Variants in TNRC18 observed in about 807,000 individuals in gnomAD.
The protein encoded by TNRC18 is trinucleotide repeat-containing gene 18 protein.
Under a neutral mutation model 226.7 loss-of-function variants are expected in TNRC18, and 69 were observed. The observed-to-expected ratio is 0.30, with a 90% confidence interval of 0.25 to 0.37. TNRC18 has a LOEUF of 0.37. Ranked by LOEUF, TNRC18 falls within the 10% of genes least tolerant of loss-of-function variation. TNRC18 has a pLI of 1.00. For synonymous variants in TNRC18, 2,449 were observed against 1,927.6 expected, an observed-to-expected ratio of 1.27 and a Z score of -7.09; for missense variants, 4,754 against 4,256.6, an observed-to-expected ratio of 1.12 and a Z score of -3.25.
In TNRC18 at chr7:5,377,355, T is replaced by C; in HGVS notation, c.2461+16A>G. 1 of 808,044 alleles carries C rather than the reference T, an allele frequency of 1.2e-6. No individual in the cohort carries two copies. The highest frequency in any genetic ancestry group is 1.9e-6 in the Non-Finnish European group (1 of 537,442). The allele number at this position is 808,044 out of a possible 1,614,324, so 50.1% of individuals were successfully genotyped here. On this transcript the variant is annotated intron_variant, in intron 7 of 29. Transcript: ENST00000430969. The surrounding 1 kb of genome is among the most constrained non-coding windows in gnomAD (Gnocchi z 5.8). ...CTCCCTCAGAGAAGGGGAGAGACCC[T>C]GTGCCCCACACTCACCGTAGGGGTG... is the stretch of plus-strand genomic sequence containing the variant.
At chr7:5,339,574 T>A (rs1790474298) in intron 18 of TNRC18, among the ~76,000 whole-genome samples, 1 of 149,160 alleles carries the variant, frequency 6.7e-6, no homozygotes, top group Non-Finnish European at 1.5e-5. Context: ...TGTGTGTGTG[T>A]GTGTTTTTCG....
chr7:5,370,654 C>A lies in TNRC18; in HGVS notation c.3940G>T (p.Val1314Leu), dbSNP rs761271338. The change falls in exon 11 of 30, where the codon GTG (valine) becomes TTG (leucine). Residue 1314 changes from valine to leucine, a missense_variant. By Grantham distance (32) the Val-to-Leu change is conservative. Transcript: ENST00000430969. The part of the protein sequence containing the change: ...QCPSLEPQEA[V>L]PVLGSTCFLE... Reference sequence around the variant, plus strand: ...AAGCAGGTGCTGCCGAGTACAGGCACGGCCTCTTGGGGCTCCAGGCTCGGG... The same window carrying A: ...AAGCAGGTGCTGCCGAGTACAGGCAAGGCCTCTTGGGGCTCCAGGCTCGGG... The A allele has an allele frequency of 7.4e-6, 12 of 1,612,884 alleles. No homozygotes were observed. The highest frequency in any genetic ancestry group is 1.7e-4 in the Middle Eastern group (1 of 6,058).
rs1786711196 is a variant in TNRC18, at chr7:5,307,889, G to C, written c.*217C>G. On this transcript the variant is annotated 3_prime_UTR_variant, in exon 30 of 30. Coordinates refer to ENST00000430969, the MANE Select transcript of TNRC18 (RefSeq NM_001080495.3). ...GGGGCCCCTGTCCTGGGGGCACTGA[G>C]GGGTTGGAAGGTGGGGCTGGAGGCA... 1.7e-6 allele frequency: 1 copy of C among 584,316 alleles called. No homozygotes were observed. The allele number at this position is 584,316 out of a possible 1,614,324, so 36.2% of individuals were successfully genotyped here.
chr7:5,395,575 G>A (rs540626821), intron 2 of TNRC18, among the ~76,000 whole-genome samples: 6 of 152,252 alleles, frequency 3.9e-5, no homozygotes, highest in Non-Finnish European at 8.8e-5. Flanking sequence ...TCAGAGAGAA[G>A]CATGCAGGCC....
In TNRC18 at chr7:5,388,157, G is replaced by A. The variant is rs1366173999; in HGVS notation, c.1667C>T (p.Ala556Val). 3 of 1,570,672 alleles carry A rather than the reference G, an allele frequency of 1.9e-6. No homozygotes were observed. The highest frequency in any genetic ancestry group is 2.4e-5 in the East Asian group (1 of 42,238). ...SSKKAYLDPG[A>V]VLPRSAATCG... ...GGTGGCCGCCGAGCGGGGCAGCACA[G>A]CCCCAGGGTCCAGGTAGGCCTTCTT... The change falls in exon 5 of 30, where the codon GCT (alanine) becomes GTT (valine). Residue 556 changes from alanine (A) to valine (V), a missense_variant. Physicochemically the swap from Ala to Val is moderately conservative, Grantham distance 64. Coordinates refer to ENST00000430969, the MANE Select transcript of TNRC18 (RefSeq NM_001080495.3).
In TNRC18 at chr7:5,403,792, TA is replaced by T. The variant is rs551657031; in HGVS notation, c.188-9198del. ...GCAACAGAGTGAGACCCTGTCTGTTTAAAAAAAAAAAAAAACTGCATCCCTT... is the reference window on the plus strand; with the variant it reads ...GCAACAGAGTGAGACCCTGTCTGTTTAAAAAAAAAAAAAACTGCATCCCTT... On this transcript the variant is annotated intron_variant, in intron 2 of 29. Transcript: ENST00000430969. Among the ~76,000 whole-genome samples the T allele has an allele frequency of 1.5e-3, 201 of 137,476 alleles. 1 individual carries two copies. The highest frequency in any genetic ancestry group is 9.1e-3 in the South Asian group (39 of 4,308). 90.2% of individuals were successfully genotyped at this position (137,476 alleles called of 152,430 possible).
chr7:5,356,694 G>C (rs1323754113), intron 16 of TNRC18, among the ~76,000 whole-genome samples: 1 of 152,158 alleles, frequency 6.6e-6, no homozygotes, highest in Non-Finnish European at 1.5e-5. Flanking sequence ...GCACCTGCCT[G>C]GCATCACACC....
intron 2 of TNRC18, among the ~76,000 whole-genome samples, chr7:5,406,337 CTGTAA>C (rs1371921952): frequency 2.6e-5 from 4 of 152,024 alleles, no homozygotes; most frequent in Admixed American, 6.6e-5. Context: ...GTGGCGGCAC[CTGTAA>C]TCTCAGCTAC....
At chr7:5,355,072 A>C (rs962114425) in intron 16 of TNRC18, among the ~76,000 whole-genome samples, 1 of 152,070 alleles carries the variant, frequency 6.6e-6, no homozygotes, top group Non-Finnish European at 1.5e-5. Flanking sequence ...TCCCAGAACA[A>C]ACACCACTGA....
Position 5,371,355 on chromosome 7 carries a change from G to A in TNRC18, c.3239C>T (p.Pro1080Leu). ...TGGCAGGGCTTGGAACGGGTACCTG[G>A]GCGGGATATCTGCCAAGGACACAGG... ...PFQALFSDIP[P>L]RYPFQALPPH... The change falls in exon 11 of 30, where the codon CCC (proline) becomes CTC (leucine). Residue 1080 changes from proline to leucine, a missense_variant. By Grantham distance (98) the Pro-to-Leu change is moderately conservative. Transcript: ENST00000430969. 6.6e-7 allele frequency: 1 copy of A among 1,509,094 alleles called. No homozygotes were observed. Among genetic ancestry groups the A allele is most frequent in the Admixed American group, 2.2e-5 (1 of 45,860 alleles). 93.5% of individuals were successfully genotyped at this position (1,509,094 alleles called of 1,614,324 possible). A position where few individuals can be genotyped will look rare whatever the true frequency, so the allele number is the denominator to read the frequency against.
intron 5 of TNRC18, among the ~76,000 whole-genome samples, chr7:5,379,379 G>C (rs893426500): frequency 2.6e-5 from 4 of 151,034 alleles, no homozygotes; most frequent in Middle Eastern, 6.8e-3. Flanking sequence ...CTGGGTGACA[G>C]AGCGAGACCC....
chr7:5,406,737 G>A (rs1170967091), intron 2 of TNRC18, among the ~76,000 whole-genome samples: 1 of 151,592 alleles, frequency 6.6e-6, no homozygotes, highest in African/African-American at 2.4e-5. Flanking sequence ...TGTAATTGAA[G>A]CTACTCAGGA....
At chr7:5,322,245 T>G (rs1443393859) in intron 21 of TNRC18, among the ~76,000 whole-genome samples, 3 of 151,536 alleles carry the variant, frequency 2.0e-5, no homozygotes, top group Non-Finnish European at 1.5e-5. Context: ...GCCACTGCAC[T>G]CCAGCCCGGG....
At chr7:5,329,682 CAAAAAAAA>C (rs10628315) in intron 19 of TNRC18, among the ~76,000 whole-genome samples, 2 of 45,754 alleles carry the variant, frequency 4.4e-5, no homozygotes, top group Non-Finnish European at 7.2e-5. Flanking sequence ...GACTCCGTCT[CAAAAAAAA>C]AAAAAAAAAA....
At chr7:5,356,166 AT>A (rs1396196131) in intron 16 of TNRC18, among the ~76,000 whole-genome samples, 5 of 132,212 alleles carry the variant, frequency 3.8e-5, no homozygotes, top group African/African-American at 1.6e-4. Context: ...TCCGTCTCAA[AT>A]TAAAAAAAAA....
intron 25 of TNRC18, among the ~76,000 whole-genome samples, chr7:5,315,442 T>A (rs1391968804): frequency 4.0e-4 from 46 of 114,226 alleles, no homozygotes; most frequent in Non-Finnish European, 5.2e-4. Flanking sequence ...TTTTTTTTTT[T>A]AAAACAGAGT....
intron 2 of TNRC18, among the ~76,000 whole-genome samples, chr7:5,401,902 G>A (rs966276215): frequency 2.0e-5 from 3 of 152,148 alleles, no homozygotes; most frequent in African/African-American, 4.8e-5. Flanking sequence ...TTGGCCGGGC[G>A]TGGTGGCTCA....
chr7:5,345,349 C>G (rs1213113369), intron 18 of TNRC18, among the ~76,000 whole-genome samples: 2 of 152,226 alleles, frequency 1.3e-5, no homozygotes, highest in African/African-American at 2.4e-5. Flanking sequence ...TCGCCCTTTG[C>G]AAGGCGAAGA....
At chr7:5,382,300 C>T (rs1038081509) in intron 5 of TNRC18, among the ~76,000 whole-genome samples, 2 of 152,212 alleles carry the variant, frequency 1.3e-5, no homozygotes, top group African/African-American at 2.4e-5. Flanking sequence ...ACGTCACTGC[C>T]GCCCCCTCTC....
Sources: allele counts gnomAD v4.1 joint callset (sites outside exome capture counted in the v4.1 genomes callset), GRCh38; gene constraint gnomAD v4.1.1; non-coding constraint Gnocchi (gnomAD v3.1); transcripts MANE v1.5; gene names NCBI Gene and HGNC (gene_info 2026-07-23, HGNC 2026-07-21).